NDUFA10: variants seen among roughly 807,000 people sequenced by gnomAD.
NDUFA10 encodes NADH dehydrogenase [ubiquinone] 1 alpha subcomplex subunit 10, mitochondrial.
Under a neutral mutation model 47.8 loss-of-function variants are expected in NDUFA10, and 40 were observed. That is an observed-to-expected ratio of 0.84 (90% CI 0.65 to 1.09). NDUFA10 has a LOEUF of 1.09. NDUFA10 is among the 50% of genes least tolerant of loss of function. The pLI is 0.00. For missense variants in NDUFA10, 413 were observed against 451.1 expected, an observed-to-expected ratio of 0.92 and a Z score of 0.76; for synonymous variants, 183 against 172.2, an observed-to-expected ratio of 1.06 and a Z score of -0.49.
intron 9 of NDUFA10, chr2:239,983,649 T>C (rs1695877768): frequency 6.3e-7 from 1 of 1,580,578 alleles, no homozygotes; most frequent in Non-Finnish European, 8.6e-7. Flanking sequence ...CAGGCTGCAC[T>C]GACAGCAAGT....
At chr2:239,900,478 G>T (rs1693523877) in intron 4 of NDUFA10, among the ~76,000 whole-genome samples, 1 of 151,750 alleles carries the variant, frequency 6.6e-6, no homozygotes, top group Admixed American at 6.6e-5. Context: ...GCTTATCTTT[G>T]TCTCTGCCAA....
chr2:239,918,099 C>T (rs1693907937), intron 4 of NDUFA10, among the ~76,000 whole-genome samples: 1 of 152,188 alleles, frequency 6.6e-6, no homozygotes, highest in African/African-American at 2.4e-5. Flanking sequence ...GTCTCTGCTG[C>T]CTGGGCCTGA....
chr2:239,895,730 C>T (rs764972419), intron 4 of NDUFA10, among the ~76,000 whole-genome samples: 2 of 152,152 alleles, frequency 1.3e-5, no homozygotes, highest in Non-Finnish European at 2.9e-5. Flanking sequence ...TACACGATTC[C>T]TATTTTGTAG....
At chr2:239,901,323 C>A (rs545786011) in intron 4 of NDUFA10, among the ~76,000 whole-genome samples, 9 of 152,234 alleles carry the variant, frequency 5.9e-5, no homozygotes, top group African/African-American at 2.2e-4. Flanking sequence ...GCTATGATCA[C>A]GCCACTGCCT....
In NDUFA10 at chr2:239,958,923, T is replaced by C. The variant is rs1294193154; in HGVS notation, c.*2195A>G. On this transcript the variant is annotated 3_prime_UTR_variant, in exon 10 of 10. Transcript: ENST00000252711. ...GAATCCTGGAAAATGCACGATTATT[T>C]TGATCCTGGTTTGTTGGTGCTGTTG... 5.1e-6 allele frequency: 5 copies of C among 984,894 alleles called. No homozygotes were observed. Among genetic ancestry groups the C allele is most frequent in the African/African-American group, 3.5e-5 (2 of 57,232 alleles). 61.0% of individuals were successfully genotyped at this position (984,894 alleles called of 1,614,324 possible).
intron 5 of NDUFA10, 182 bp downstream of exon 5, chr2:240,014,557 G>A (rs1697258456): frequency 4.3e-6 from 4 of 939,746 alleles, no homozygotes; most frequent in Non-Finnish European, 1.6e-6. Flanking sequence ...GTGGCACCAG[G>A]CCGAGCCATG....
At chr2:239,954,910 G>A (rs945817842), downstream of NDUFA10, among the ~76,000 whole-genome samples, 10 of 152,154 alleles carry the variant, frequency 6.6e-5, no homozygotes, top group South Asian at 6.2e-4. Flanking sequence ...CCGACCTGCC[G>A]CTGCCCTGCG....
chr2:239,955,743 G>C (rs1024096316), downstream of NDUFA10, among the ~76,000 whole-genome samples: 56 of 152,170 alleles, frequency 3.7e-4, no homozygotes, highest in African/African-American at 1.3e-3. Flanking sequence ...CGAGTCATAG[G>C]CTGGGTTCTC....
intron 9 of NDUFA10, chr2:239,983,654 G>A: frequency 6.3e-7 from 1 of 1,580,448 alleles, no homozygotes; most frequent in Non-Finnish European, 8.6e-7. Context: ...TGCACTGACA[G>A]CAAGTGCCCC....
intron 4 of NDUFA10, among the ~76,000 whole-genome samples, chr2:239,939,384 A>C (rs565787726): frequency 4.5e-4 from 69 of 152,352 alleles, no homozygotes; most frequent in Non-Finnish European, 9.6e-4. Context: ...TAGAACCACA[A>C]AGGAGCAAAG....
intron 4 of NDUFA10, among the ~76,000 whole-genome samples, chr2:239,951,233 G>T (rs923251276): frequency 6.6e-6 from 1 of 152,232 alleles, no homozygotes. Context: ...GGGACCCGGG[G>T]TGCCCACAGG....
chr2:239,925,800 TC>T lies in NDUFA10; in HGVS notation c.295-30487del, dbSNP rs557000642. ...AAATCTGAAATACATAAAGAAGGTC[TC>T]AAATCTCAACAATGATCAGCTCAGT... On this transcript the variant is annotated intron_variant, in intron 4 of 5. Coordinates refer to the NDUFA10 transcript ENST00000419408. 2.6e-5 allele frequency among the ~76,000 whole-genome samples: 4 copies of T among 152,130 alleles called. No individual in the cohort carries two copies. In the South Asian group the frequency reaches 8.3e-4, roughly 32 times the overall value.
chr2:239,912,874 AG>A (rs1163423769), intron 4 of NDUFA10, among the ~76,000 whole-genome samples: 1 of 152,206 alleles, frequency 6.6e-6, no homozygotes, highest in Non-Finnish European at 1.5e-5. Flanking sequence ...CCTCAACTCC[AG>A]ACCTCCTTGT....
chr2:239,966,528 T>C (rs555053617), intron 9 of NDUFA10, among the ~76,000 whole-genome samples: 1 of 152,286 alleles, frequency 6.6e-6, no homozygotes, highest in East Asian at 1.9e-4. Flanking sequence ...CCGTGCATCC[T>C]GATTCATATA....
chr2:239,909,434 A>T (rs139135393), intron 4 of NDUFA10, among the ~76,000 whole-genome samples: 2,376 of 152,280 alleles, frequency 0.016, 73 homozygotes, highest in African/African-American at 0.054. Flanking sequence ...AACATAGTGA[A>T]ACCCCGTCTC....
chr2:239,937,506 G>A (rs912188958), intron 4 of NDUFA10, among the ~76,000 whole-genome samples: 12 of 152,104 alleles, frequency 7.9e-5, no homozygotes, highest in Admixed American at 2.6e-4. Flanking sequence ...TCATGTACGC[G>A]GTGGCCTCGA....
intron 8 of NDUFA10, 32 bp downstream of exon 8, chr2:240,005,178 A>G (rs1188210983): frequency 4.5e-6 from 7 of 1,572,338 alleles, no homozygotes; most frequent in African/African-American, 2.7e-5. Context: ...TAGACCCCAG[A>G]CATGCAGCAG....
In NDUFA10 at chr2:239,960,261, CT is replaced by C; in HGVS notation, c.*856del. The C allele has an allele frequency of 2.0e-6, 2 of 985,654 alleles. No homozygotes were observed. The highest frequency in any genetic ancestry group is 2.4e-6 in the Non-Finnish European group (2 of 830,110). The allele number at this position is 985,654 out of a possible 1,614,324, so 61.1% of individuals were successfully genotyped here. A position where few individuals can be genotyped will look rare whatever the true frequency, so the allele number is the denominator to read the frequency against. Reference sequence around the variant, plus strand: ...ACAGCTTGATTCCTAAACCATGATGCTGAACCACAACCAGCTTGTTTTGGTT... The same window carrying C: ...ACAGCTTGATTCCTAAACCATGATGCGAACCACAACCAGCTTGTTTTGGTT... On this transcript the variant is annotated 3_prime_UTR_variant, in exon 10 of 10. Transcript: ENST00000252711.
At chr2:240,007,710 C>T (rs1305835053) in intron 6 of NDUFA10, among the ~76,000 whole-genome samples, 1 of 152,220 alleles carries the variant, frequency 6.6e-6, no homozygotes, top group East Asian at 1.9e-4. Flanking sequence ...TCAGCAGCTG[C>T]ACATACCATC....
Sources: gnomAD v4.1 joint callset for allele counts (sites outside exome capture counted in the v4.1 genomes callset) on GRCh38, gnomAD v4.1.1 for gene constraint, MANE v1.5 for transcripts, NCBI Gene and HGNC (gene_info 2026-07-23, HGNC 2026-07-21) for gene names.